GPR155: variants seen among roughly 807,000 people sequenced by gnomAD.
GPR155 encodes G protein-coupled receptor 155.
GPR155 carries 65 observed loss-of-function variants against 93.1 expected under a neutral mutation model. That is an observed-to-expected ratio of 0.70 (90% CI 0.57 to 0.86). GPR155 has a LOEUF of 0.86. Ranked by LOEUF, GPR155 falls within the 40% of genes least tolerant of loss-of-function variation. The pLI is 0.00. For missense variants in GPR155, 838 were observed against 1,034.8 expected (o/e 0.81, Z 2.61); for synonymous variants, 319 against 360.1 (o/e 0.89, Z 1.29).
At chr2:174,485,590 C>T (rs1688454222) in intron 1 of GPR155, among the ~76,000 whole-genome samples, 1 of 149,390 alleles carries the variant, frequency 6.7e-6, no homozygotes, top group Admixed American at 6.6e-5. Flanking sequence ...GAGCAAGACT[C>T]CGTCTCAAGA....
intron 10 of GPR155, among the ~76,000 whole-genome samples, chr2:174,459,634 C>T (rs1687621936): frequency 6.6e-6 from 1 of 152,186 alleles, no homozygotes; most frequent in Non-Finnish European, 1.5e-5. Flanking sequence ...CGCCTGAGCT[C>T]AGCAGGTCGA....
chr2:174,448,904 A>T (rs925916046), intron 11 of GPR155, among the ~76,000 whole-genome samples: 2 of 152,196 alleles, frequency 1.3e-5, no homozygotes, highest in Non-Finnish European at 2.9e-5. Context: ...TAATTAAACT[A>T]AAGAGCTTCT....
At chr2:174,442,320 A>G in intron 13 of GPR155, 137 bp from the exon 14 acceptor site, 1 of 589,308 alleles carries the variant, frequency 1.7e-6, no homozygotes, top group Non-Finnish European at 3.1e-6. Flanking sequence ...AGTGGAACAC[A>G]CAAAGTAGGC....
Position 174,461,446 on chromosome 2 carries a change from T to G in GPR155, c.1516A>C (p.Asn506His), listed in dbSNP as rs778945016. The change falls in exon 9 of 16, where the codon AAT becomes CAT. Residue 506 changes from asparagine to histidine, a missense_variant. Transcript: ENST00000392552. ...VGVLLITGKHNGDSIDSAFFY... is the reference protein window; with the variant it reads ...VGVLLITGKHHGDSIDSAFFY... ...AAGGCTGAGTCAATGCTATCTCCAT[T>G]GTGTTTTCCAGTTATCAAAAGAACA... The G allele has an allele frequency of 5.6e-6, 9 of 1,613,632 alleles. No homozygotes were observed.
chr2:174,457,295 G>C (rs1468801402), intron 10 of GPR155, among the ~76,000 whole-genome samples: 1 of 152,188 alleles, frequency 6.6e-6, no homozygotes, highest in Admixed American at 6.5e-5. Context: ...CTGAGAGACA[G>C]AGAAAGACTT....
Position 174,460,115 on chromosome 2 carries a change from GCCA to G in GPR155, c.1561-30_1561-28del, listed in dbSNP as rs538375309. 3.5e-4 allele frequency: 531 copies of G among 1,501,508 alleles called. 4 individuals are homozygous for G. The African/African-American group carries it at 6.8e-3, about 19-fold the overall frequency. 93.0% of individuals were successfully genotyped at this position (1,501,508 alleles called of 1,614,324 possible). On this transcript the variant is annotated intron_variant, in intron 9 of 15. Coordinates refer to ENST00000392552, the MANE Select transcript of GPR155 (RefSeq NM_152529.7). ...TGCCGACATGAAAAAAAGATATCAG[GCCA>G]CTTTTCACAACTTCATCTTGATAAT...
Position 174,461,401 on chromosome 2 carries a change from C to G in GPR155, c.1560+1G>C. On this transcript the variant is annotated splice_donor_variant, in intron 9 of 15. Coordinates refer to ENST00000392552, the MANE Select transcript of GPR155 (RefSeq NM_152529.7). LOFTEE classifies it high-confidence loss of function. ...CAGAACTGCCAGTAAACTCTTCCCA[C>G]CTGTTCTTTTCCATAAAAGAAGGCT... 1 of 1,598,596 alleles carries G rather than the reference C, an allele frequency of 6.3e-7. No individual in the cohort carries two copies. The highest frequency in any genetic ancestry group is 8.6e-7 in the Non-Finnish European group (1 of 1,165,984).
At chr2:174,479,717 A>C (rs748114144) in intron 2 of GPR155, among the ~76,000 whole-genome samples, 10 of 152,342 alleles carry the variant, frequency 6.6e-5, no homozygotes, top group African/African-American at 2.4e-4. Flanking sequence ...TGTGGTGCCG[A>C]GTCAGTTCTA....
chr2:174,477,112 C>T (rs533761175), intron 2 of GPR155, among the ~76,000 whole-genome samples: 3 of 152,118 alleles, frequency 2.0e-5, no homozygotes, highest in South Asian at 2.1e-4. Context: ...CTCTTTACAT[C>T]GAATTGTTGT....
At chr2:174,475,293 T>TAAA (rs1688129699) in intron 2 of GPR155, among the ~76,000 whole-genome samples, 1 of 22,314 alleles carries the variant, frequency 4.5e-5, no homozygotes, top group African/African-American at 2.7e-4. Context: ...AGACTCCGTC[T>TAAA]CAAAAAAAAA....
At chr2:174,467,580 A>G (rs146171794) in intron 5 of GPR155, among the ~76,000 whole-genome samples, 166 of 152,334 alleles carry the variant, frequency 1.1e-3, no homozygotes, top group African/African-American at 3.9e-3. Context: ...ACAACTATTC[A>G]GGGAAGGAGC....
chr2:174,444,149 G>A (rs1687044036), intron 13 of GPR155, among the ~76,000 whole-genome samples: 1 of 152,110 alleles, frequency 6.6e-6, no homozygotes, highest in African/African-American at 2.4e-5. Flanking sequence ...GGGTGTGGTG[G>A]CTCATGCCTG....
At chr2:174,470,645 C>A in intron 3 of GPR155, 90 bp from the exon 4 acceptor site, 1 of 1,083,928 alleles carries the variant, frequency 9.2e-7, no homozygotes, top group Non-Finnish European at 1.4e-6. Context: ...GCATCAGGTT[C>A]TCCTGCCCAG....
chr2:174,456,236 C>T (rs1016572090), intron 10 of GPR155, among the ~76,000 whole-genome samples: 6 of 151,862 alleles, frequency 4.0e-5, no homozygotes, highest in Non-Finnish European at 8.8e-5. Context: ...GAACAAAGTA[C>T]AAAGGGTTCA....
At chr2:174,440,180 C>A (rs1686914365) in intron 14 of GPR155, 145 bp from the exon 15 acceptor site, 1 of 610,762 alleles carries the variant, frequency 1.6e-6, no homozygotes, top group Non-Finnish European at 2.8e-6. Flanking sequence ...TCGTTAGTCT[C>A]AGAAGCAAAA....
At position 174,481,983 on chromosome 2, in the gene GPR155, G is replaced by C; in HGVS notation, c.-27C>G. On this transcript the variant is annotated 5_prime_UTR_variant, in exon 2 of 16. The change creates a new upstream start codon in the 5' untranslated region. Transcript: ENST00000392552. ...TTCTCTCACCCTCCAACTCCAACCA[G>C]ATCTCTGGAAAGAAAGGAAGAAAGA... is the stretch of plus-strand genomic sequence containing the variant. 1.4e-6 allele frequency: 2 copies of C among 1,469,526 alleles called. No individual in the cohort carries two copies. Among genetic ancestry groups the C allele is most frequent in the South Asian group, 1.2e-5 (1 of 84,154 alleles). The allele number at this position is 1,469,526 out of a possible 1,614,324, so 91.0% of individuals were successfully genotyped here.
At chr2:174,451,804 T>C (rs567969133) in intron 11 of GPR155, among the ~76,000 whole-genome samples, 1 of 152,132 alleles carries the variant, frequency 6.6e-6, no homozygotes, top group South Asian at 2.1e-4. Flanking sequence ...AGCCACTGCA[T>C]TCAGCTAATT....
chr2:174,475,420 G>C (rs1476698356), intron 2 of GPR155, among the ~76,000 whole-genome samples: 1 of 150,870 alleles, frequency 6.6e-6, no homozygotes, highest in African/African-American at 2.4e-5. Flanking sequence ...TTAATGTCAT[G>C]CACATGTCCC....
chr2:174,439,344 ATT>A (rs1218425736), intron 15 of GPR155, among the ~76,000 whole-genome samples: 4 of 152,082 alleles, frequency 2.6e-5, no homozygotes, highest in African/African-American at 7.2e-5. Context: ...TTATAAAAAA[ATT>A]TTTTTCCTCA....
Sources: allele counts gnomAD v4.1 joint callset (sites outside exome capture counted in the v4.1 genomes callset), GRCh38; gene constraint gnomAD v4.1.1; transcripts MANE v1.5; gene names NCBI Gene and HGNC (gene_info 2026-07-23, HGNC 2026-07-21).